The following IMMP1L variants were observed in gnomAD, a reference collection of about 807,000 sequenced individuals.
IMMP1L encodes the protein inner mitochondrial membrane peptidase subunit 1.
IMMP1L carries 24 observed loss-of-function variants against 21.8 expected under a neutral mutation model. The observed-to-expected ratio is 1.10, with a 90% CI of 0.80 to 1.55. The LOEUF (loss-of-function observed/expected upper bound fraction) is 1.55. IMMP1L is among the 40% of genes most tolerant of loss of function. The probability of loss-of-function intolerance (pLI) is 0.00; values close to 1 mark genes in which losing one functional copy is unlikely to be tolerated. For missense variants in IMMP1L, 195 were observed against 200.7 expected, an observed-to-expected ratio of 0.97 and a Z score of 0.17; for synonymous variants, 46 against 62.8, an observed-to-expected ratio of 0.73 and a Z score of 1.26.
At chr11:31,463,729 C>G (rs1188934877) in intron 1 of IMMP1L, among the ~76,000 whole-genome samples, 1 of 152,114 alleles carries the variant, frequency 6.6e-6, no homozygotes, top group African/African-American at 2.4e-5. Flanking sequence ...TATGGAGATT[C>G]AAGTTTCACA....
At chr11:31,499,469 C>A (rs1955550397) in intron 1 of IMMP1L, among the ~76,000 whole-genome samples, 1 of 152,088 alleles carries the variant, frequency 6.6e-6, no homozygotes, top group South Asian at 2.1e-4. Flanking sequence ...GTGAAAGGCA[C>A]ACTAGAGATT....
intron 2 of IMMP1L, among the ~76,000 whole-genome samples, chr11:31,461,162 A>C (rs141721631): frequency 6.6e-6 from 1 of 152,306 alleles, no homozygotes; most frequent in East Asian, 1.9e-4. Flanking sequence ...CATGATGATG[A>C]TTTACTAAAT....
At chr11:31,501,468 G>A (rs1339703724) in intron 1 of IMMP1L, among the ~76,000 whole-genome samples, 1 of 152,110 alleles carries the variant, frequency 6.6e-6, no homozygotes, top group East Asian at 1.9e-4. Context: ...ACACAGCAAG[G>A]ACACCCTCGC....
chr11:31,469,430 AAC>A (rs1420015207), intron 1 of IMMP1L, among the ~76,000 whole-genome samples: 2 of 152,192 alleles, frequency 1.3e-5, no homozygotes, highest in Non-Finnish European at 2.9e-5. Context: ...AATTATACAC[AAC>A]ACAATACTAC....
At chr11:31,451,623 A>G (rs1210090420) in intron 4 of IMMP1L, among the ~76,000 whole-genome samples, 1 of 152,186 alleles carries the variant, frequency 6.6e-6, no homozygotes, top group East Asian at 1.9e-4. Flanking sequence ...TCAGGATTTT[A>G]GCTTTGGATA....
At chr11:31,466,489 T>C (rs1161780983) in intron 1 of IMMP1L, among the ~76,000 whole-genome samples, 1 of 152,092 alleles carries the variant, frequency 6.6e-6, no homozygotes, top group Non-Finnish European at 1.5e-5. Context: ...TCACAATAGC[T>C]AAGACACAGA....
chr11:31,472,334 C>T (rs181458263), intron 1 of IMMP1L, among the ~76,000 whole-genome samples: 32 of 152,284 alleles, frequency 2.1e-4, no homozygotes, highest in African/African-American at 7.0e-4. Flanking sequence ...CATCTTGAAA[C>T]TGATTTGGTC....
intron 4 of IMMP1L, among the ~76,000 whole-genome samples, chr11:31,451,856 G>A (rs992635505): frequency 2.0e-5 from 3 of 152,108 alleles, no homozygotes. Flanking sequence ...GGGTTTGAAG[G>A]TCATTCCAAT....
intron 1 of IMMP1L, among the ~76,000 whole-genome samples, chr11:31,489,426 C>T (rs1955185376): frequency 6.6e-6 from 1 of 152,066 alleles, no homozygotes. Context: ...TTCCTATTTT[C>T]TGACAAAATG....
rs187739186 is a variant in IMMP1L at position 31,498,581 on chromosome 11, C to T, written c.-30+10938G>A. On this transcript the variant is annotated intron_variant, in intron 1 of 5. Transcript: ENST00000532287. Reference sequence around the variant, plus strand: ...TACCTATTTTAGCAGAGCAAATATGCTTCATGTTTTATGCTAATATCCATA... The same window carrying T: ...TACCTATTTTAGCAGAGCAAATATGTTTCATGTTTTATGCTAATATCCATA... Among the ~76,000 whole-genome samples, 451 of 152,246 alleles carry T rather than the reference C, an allele frequency of 3.0e-3. 2 individuals carry two copies. Among genetic ancestry groups the T allele is most frequent in the African/African-American group, 1.0e-2 (415 of 41,552 alleles).
intron 3 of IMMP1L, among the ~76,000 whole-genome samples, chr11:31,459,307 T>C (rs1403636171): frequency 3.3e-5 from 5 of 152,138 alleles, no homozygotes; most frequent in African/African-American, 4.8e-5. Context: ...AAATAGGTTA[T>C]AGCAAAGGTG....
At chr11:31,507,406 A>G (rs1259174191) in intron 1 of IMMP1L, among the ~76,000 whole-genome samples, 1 of 152,222 alleles carries the variant, frequency 6.6e-6, no homozygotes, top group East Asian at 1.9e-4. Context: ...TCAAAGTTGG[A>G]AAATAATTCT....
At chr11:31,507,587 A>G (rs1474937339) in intron 1 of IMMP1L, among the ~76,000 whole-genome samples, 1 of 152,216 alleles carries the variant, frequency 6.6e-6, no homozygotes, top group Non-Finnish European at 1.5e-5. Flanking sequence ...CAAATATCAC[A>G]TGATCTTACT....
chr11:31,445,664 T>C (rs746952827), intron 4 of IMMP1L, among the ~76,000 whole-genome samples: 1 of 152,190 alleles, frequency 6.6e-6, no homozygotes, highest in Admixed American at 6.5e-5. Flanking sequence ...CAGCAGATTA[T>C]TTAGAATAAA....
intron 1 of IMMP1L, among the ~76,000 whole-genome samples, chr11:31,476,720 T>C (rs1240831615): frequency 6.6e-6 from 1 of 152,070 alleles, no homozygotes; most frequent in African/African-American, 2.4e-5. Flanking sequence ...CTGACAACAC[T>C]AATTATCTTT....
At chr11:31,449,508 C>T (rs1953667371) in intron 4 of IMMP1L, among the ~76,000 whole-genome samples, 1 of 152,072 alleles carries the variant, frequency 6.6e-6, no homozygotes, top group African/African-American at 2.4e-5. Context: ...GGTAAAACAG[C>T]TTTATTATTG....
chr11:31,450,576 T>A (rs1591961731), intron 4 of IMMP1L, among the ~76,000 whole-genome samples: 3 of 152,258 alleles, frequency 2.0e-5, no homozygotes, highest in East Asian at 3.9e-4. Flanking sequence ...AGAGGAACAT[T>A]CCAATATTTT....
At chr11:31,440,534 G>A (rs1953288078) in intron 4 of IMMP1L, among the ~76,000 whole-genome samples, 2 of 152,064 alleles carry the variant, frequency 1.3e-5, no homozygotes, top group Admixed American at 1.3e-4. Context: ...GGGATTACAG[G>A]CATGCACCAC....
intron 4 of IMMP1L, 33 bp from the exon 5 acceptor site, chr11:31,433,603 G>C: frequency 7.4e-7 from 1 of 1,346,534 alleles, no homozygotes; most frequent in Non-Finnish European, 1.1e-6. Context: ...GCCTCTTAAA[G>C]ATAAAACCTA....
Sources: allele counts gnomAD v4.1 joint callset (sites outside exome capture counted in the v4.1 genomes callset), GRCh38; gene constraint gnomAD v4.1.1; transcripts MANE v1.5; gene names NCBI Gene and HGNC (gene_info 2026-07-23, HGNC 2026-07-21).